Variants in SIPA1L3 observed in about 807,000 individuals in gnomAD.
SIPA1L3 encodes signal-induced proliferation-associated 1-like protein 3.
A neutral mutation model predicts 150.1 loss-of-function variants in SIPA1L3; 59 were observed. That is an observed-to-expected ratio of 0.39 (90% CI 0.32 to 0.49). SIPA1L3 has a LOEUF of 0.49. Among genes scored for constraint, SIPA1L3 ranks in the 20% least tolerant of loss-of-function variants. The pLI is 0.86. For synonymous variants in SIPA1L3, 1,070 were observed against 1,077.6 expected, an observed-to-expected ratio of 0.99 and a Z score of 0.14; for missense variants, 2,211 against 2,489.5, an observed-to-expected ratio of 0.89 and a Z score of 2.38.
intron 1 of SIPA1L3, among the ~76,000 whole-genome samples, chr19:37,937,731 A>AGACTCC (rs1365387093): frequency 3.5e-5 from 4 of 112,866 alleles, no homozygotes; most frequent in East Asian, 2.6e-4. Context: ...GACAGAGTGA[A>AGACTCC]ACCCTGTCTC....
chr19:38,089,019 G>A (rs1454930730), intron 4 of SIPA1L3, among the ~76,000 whole-genome samples, 168 bp downstream of exon 4: 1 of 152,052 alleles, frequency 6.6e-6, no homozygotes. Flanking sequence ...AAACTAAGAC[G>A]CAGAATTTAA....
chr19:38,052,842 C>G (rs923719576), intron 2 of SIPA1L3, among the ~76,000 whole-genome samples: 2 of 152,208 alleles, frequency 1.3e-5, no homozygotes, highest in African/African-American at 4.8e-5. Context: ...GCTTCCCCCT[C>G]CCACACTCAG....
chr19:38,115,040 C>T (rs1181764951), intron 8 of SIPA1L3, among the ~76,000 whole-genome samples: 1 of 152,184 alleles, frequency 6.6e-6, no homozygotes, highest in African/African-American at 2.4e-5. Context: ...GAGTTGATGC[C>T]ACTGACAGAG....
intron 1 of SIPA1L3, among the ~76,000 whole-genome samples, chr19:37,942,912 C>T (rs2046673507): frequency 6.6e-6 from 1 of 151,880 alleles, no homozygotes; most frequent in South Asian, 2.1e-4. Context: ...TTAGTAGAGA[C>T]AGGTTTTCCA....
intron 1 of SIPA1L3, among the ~76,000 whole-genome samples, chr19:37,937,201 A>G (rs1218235348): frequency 6.6e-6 from 1 of 152,138 alleles, no homozygotes. Flanking sequence ...GACACACAGA[A>G]TTGGATTAAT....
Position 38,189,411 on chromosome 19 carries a change from A to C in SIPA1L3, c.4431-2734A>C, listed in dbSNP as rs546861430. ...CTCCCAAAGTGCTGGGATTACAGGC[A>C]TGAGCCACCATGCCTGACCTAAGTT... On this transcript the variant is annotated intron_variant, in intron 16 of 21. Transcript: ENST00000222345. Among the ~76,000 whole-genome samples the C allele has an allele frequency of 1.7e-3, 266 of 152,184 alleles. 1 individual carries two copies. Among genetic ancestry groups the C allele is most frequent in the Non-Finnish European group, 3.4e-3 (230 of 68,000 alleles).
chr19:38,040,459 C>T (rs1316874965), intron 2 of SIPA1L3, among the ~76,000 whole-genome samples: 1 of 151,942 alleles, frequency 6.6e-6, no homozygotes, highest in Non-Finnish European at 1.5e-5. Context: ...TGTTTAAGGA[C>T]AGTTACTGAA....
At chr19:38,016,677 G>C (rs1968239427) in intron 1 of SIPA1L3, among the ~76,000 whole-genome samples, 1 of 152,144 alleles carries the variant, frequency 6.6e-6, no homozygotes, top group East Asian at 1.9e-4. Context: ...ATTTTTAGTA[G>C]AGATGGGGTT....
chr19:38,015,950 TG>T (rs1375707880), intron 1 of SIPA1L3, among the ~76,000 whole-genome samples: 2 of 152,170 alleles, frequency 1.3e-5, no homozygotes, highest in African/African-American at 4.8e-5. Context: ...CATGCATCGT[TG>T]GTCCGCCGGA....
Position 38,081,812 on chromosome 19 carries a change from G to A in SIPA1L3, c.247G>A (p.Val83Met), listed in dbSNP as rs1303030181. The stretch of plus-strand genomic sequence containing the variant: ...GCCCAAGATGGGCGTGCGCGCAAGG[G>A]TGGCCGACTGGCCGCCCAAGCGGGA... The part of the protein sequence containing the change: ...AMPKMGVRAR[V>M]ADWPPKREAL... Residue 83 changes from valine (V) to methionine (M), a missense_variant, in exon 3 of 22, where the codon GTG becomes ATG. Val to Met is a conservative substitution (Grantham distance 21). This residue lies in a region of SIPA1L3 where 130 missense variants were observed against 174.5 expected (regional missense o/e 0.74). Coordinates refer to ENST00000222345, the MANE Select transcript of SIPA1L3 (RefSeq NM_015073.3). 9 of 1,613,522 alleles carry A rather than the reference G, an allele frequency of 5.6e-6. No individual in the cohort carries two copies. Among genetic ancestry groups the A allele is most frequent in the Non-Finnish European group, 7.6e-6 (9 of 1,179,820 alleles).
At chr19:38,161,340 C>CAAA (rs952754406) in intron 13 of SIPA1L3, among the ~76,000 whole-genome samples, 3 of 46,394 alleles carry the variant, frequency 6.5e-5, no homozygotes, top group African/African-American at 8.1e-5. Context: ...GACTCCGTCT[C>CAAA]AAAAAAAAAA....
intron 1 of SIPA1L3, among the ~76,000 whole-genome samples, chr19:38,005,246 C>G (rs1235619606): frequency 6.6e-6 from 1 of 152,150 alleles, no homozygotes; most frequent in Admixed American, 6.5e-5. Flanking sequence ...CACTTCTTGA[C>G]TGTAGTGACA....
intron 12 of SIPA1L3, among the ~76,000 whole-genome samples, chr19:38,151,748 G>A (rs1332819593): frequency 6.6e-6 from 1 of 151,866 alleles, no homozygotes; most frequent in African/African-American, 2.4e-5. Flanking sequence ...AAATCGCTTG[G>A]GCCCAGGAGT....
chr19:37,953,470 G>A (rs1321121778), intron 1 of SIPA1L3, among the ~76,000 whole-genome samples: 1 of 152,136 alleles, frequency 6.6e-6, no homozygotes, highest in Non-Finnish European at 1.5e-5. Flanking sequence ...CTAATAGTGG[G>A]AAATATTCAA....
intron 1 of SIPA1L3, among the ~76,000 whole-genome samples, chr19:38,028,523 G>A (rs948552668): frequency 5.9e-5 from 9 of 152,190 alleles, no homozygotes; most frequent in African/African-American, 1.7e-4. Context: ...TCACTATGGC[G>A]TCACCCCGCT....
chr19:37,969,434 C>T (rs991059824), intron 1 of SIPA1L3, among the ~76,000 whole-genome samples: 1 of 150,866 alleles, frequency 6.6e-6, no homozygotes, highest in Non-Finnish European at 1.5e-5. Flanking sequence ...TGCCTGTAAT[C>T]CCAGCTACTT....
rs73630827 is a variant in SIPA1L3, at chr19:38,081,906, C to G, written c.341C>G (p.Ala114Gly). The G allele has an allele frequency of 6.2e-7, 1 of 1,614,148 alleles. No homozygotes were observed. Among genetic ancestry groups the G allele is most frequent in the Non-Finnish European group, 8.5e-7 (1 of 1,179,998 alleles). ...GATGGCACAAAGGCCACCAAGATGGCCCATTCCATGAGGAGCATACAGAAC... is the reference window on the plus strand; with the variant it reads ...GATGGCACAAAGGCCACCAAGATGGGCCATTCCATGAGGAGCATACAGAAC... ...DTDGTKATKM[A>G]HSMRSIQNGQ... Residue 114 changes from alanine (A) to glycine (G), a missense_variant, in exon 3 of 22, where the codon GCC becomes GGC. Coordinates refer to ENST00000222345, the MANE Select transcript of SIPA1L3 (RefSeq NM_015073.3).
chr19:38,148,242 T>C (rs1040611030), intron 12 of SIPA1L3, among the ~76,000 whole-genome samples: 1 of 151,208 alleles, frequency 6.6e-6, no homozygotes, highest in Non-Finnish European at 1.5e-5. Flanking sequence ...TCCCAGCTAC[T>C]CGGGAGGCTG....
intron 2 of SIPA1L3, among the ~76,000 whole-genome samples, chr19:38,054,347 C>T (rs1393640272): frequency 1.3e-5 from 2 of 152,182 alleles, no homozygotes; most frequent in African/African-American, 4.8e-5. Context: ...TGGCTCATGC[C>T]TGTAATCCCA....
Sources: gnomAD v4.1 joint callset for allele counts (sites outside exome capture counted in the v4.1 genomes callset) on GRCh38, gnomAD v4.1.1 for gene constraint, gnomAD v4.1.1 regional missense constraint, MANE v1.5 for transcripts, NCBI Gene and HGNC (gene_info 2026-07-23, HGNC 2026-07-21) for gene names.